NCEH1: variants seen among roughly 807,000 people sequenced by gnomAD.
NCEH1 encodes the protein neutral cholesterol ester hydrolase 1.
A neutral mutation model predicts 25.4 loss-of-function variants in NCEH1; 9 were observed. The ratio of observed to expected loss-of-function variants is 0.35; its 90% CI spans 0.21 to 0.62. The LOEUF (loss-of-function observed/expected upper bound fraction) is 0.62, where lower values mean the gene tolerates loss of function less well. Ranked by LOEUF, NCEH1 falls within the 20% of genes least tolerant of loss-of-function variation. The pLI, the probability that NCEH1 is intolerant of heterozygous loss-of-function variation, is 0.72. For missense variants in NCEH1, 412 were observed against 501.1 expected, an observed-to-expected ratio of 0.82 and a Z score of 1.70; for synonymous variants, 200 against 199.8, an observed-to-expected ratio of 1.00 and a Z score of -0.01.
chr3:172,682,993 A>T (rs1712471432), intron 1 of NCEH1, among the ~76,000 whole-genome samples: 1 of 152,248 alleles, frequency 6.6e-6, no homozygotes, highest in South Asian at 2.1e-4. Context: ...AGAAGTAGAA[A>T]GGATTTAAGT....
At chr3:172,653,731 TTC>T (rs1717524403) in intron 1 of NCEH1, among the ~76,000 whole-genome samples, 1 of 70,732 alleles carries the variant, frequency 1.4e-5, no homozygotes, top group Non-Finnish European at 2.8e-5. Flanking sequence ...GTTGTTGTTG[TTC>T]TGTTTTTTTT....
chr3:172,701,448 C>CGTTTTTTTTTTTTTTTTT (rs1184829037), intron 1 of NCEH1, among the ~76,000 whole-genome samples: 1 of 65,514 alleles, frequency 1.5e-5, no homozygotes, highest in African/African-American at 1.3e-4. Flanking sequence ...TGGTCTTTTG[C>CGTTTTTTTTTTTTTTTTT]CTTTTTTTTT....
At chr3:172,654,138 G>A (rs1013222000) in intron 1 of NCEH1, among the ~76,000 whole-genome samples, 1 of 152,142 alleles carries the variant, frequency 6.6e-6, no homozygotes, top group Non-Finnish European at 1.5e-5. Context: ...GCAATAACAG[G>A]CTCAATCTAA....
chr3:172,704,989 G>A (rs778363226), intron 1 of NCEH1, among the ~76,000 whole-genome samples: 1 of 152,202 alleles, frequency 6.6e-6, no homozygotes, highest in Non-Finnish European at 1.5e-5. Flanking sequence ...AGGTAACTGA[G>A]CACAAAGCAT....
chr3:172,696,331 G>A (rs1409316638), intron 1 of NCEH1, among the ~76,000 whole-genome samples: 1 of 152,080 alleles, frequency 6.6e-6, no homozygotes, highest in Non-Finnish European at 1.5e-5. Flanking sequence ...AAACCTGAGA[G>A]CAATAGCAGA....
intron 1 of NCEH1, among the ~76,000 whole-genome samples, chr3:172,666,708 C>A (rs1215510629): frequency 6.6e-6 from 1 of 152,178 alleles, no homozygotes; most frequent in Non-Finnish European, 1.5e-5. Context: ...ATCTCAATCT[C>A]AGATCTGTCC....
At chr3:172,667,993 T>C (rs1417340039) in intron 1 of NCEH1, among the ~76,000 whole-genome samples, 1 of 152,134 alleles carries the variant, frequency 6.6e-6, no homozygotes, top group Non-Finnish European at 1.5e-5. Flanking sequence ...CAAGTTCCCG[T>C]CTCATAACAA....
intron 1 of NCEH1, among the ~76,000 whole-genome samples, chr3:172,673,684 A>G (rs531287026): frequency 3.5e-4 from 53 of 152,356 alleles, no homozygotes; most frequent in African/African-American, 1.3e-3. Context: ...AGGTAGCAGA[A>G]GGAAACAGAT....
chr3:172,693,430 T>C (rs1328102021), intron 1 of NCEH1, among the ~76,000 whole-genome samples: 2 of 151,042 alleles, frequency 1.3e-5, no homozygotes, highest in Non-Finnish European at 2.9e-5. Flanking sequence ...TACCCATGAT[T>C]GCTTGCCAAT....
intron 3 of NCEH1, among the ~76,000 whole-genome samples, chr3:172,636,916 G>A (rs1044223893): frequency 6.6e-6 from 1 of 152,084 alleles, no homozygotes; most frequent in Admixed American, 6.6e-5. Context: ...CCCCTCTTTT[G>A]CTTATTAATT....
At chr3:172,667,997 A>G (rs939493113) in intron 1 of NCEH1, among the ~76,000 whole-genome samples, 41 of 152,320 alleles carry the variant, frequency 2.7e-4, no homozygotes, top group African/African-American at 9.4e-4. Context: ...TTCCCGTCTC[A>G]TAACAAAACC....
At chr3:172,687,100 T>G (rs936140882) in intron 1 of NCEH1, among the ~76,000 whole-genome samples, 1 of 152,158 alleles carries the variant, frequency 6.6e-6, no homozygotes, top group Non-Finnish European at 1.5e-5. Flanking sequence ...TGATGAGAGA[T>G]AGCCTGTACT....
At chr3:172,683,683 A>C (rs1560201401) in intron 1 of NCEH1, among the ~76,000 whole-genome samples, 1 of 152,204 alleles carries the variant, frequency 6.6e-6, no homozygotes, top group Non-Finnish European at 1.5e-5. Context: ...GTCTCAAAAA[A>C]CAAAATAAAG....
intron 1 of NCEH1, among the ~76,000 whole-genome samples, chr3:172,694,202 T>TA (rs1351934273): frequency 2.0e-5 from 3 of 152,192 alleles, no homozygotes; most frequent in African/African-American, 7.2e-5. Context: ...TATACAACTA[T>TA]AGAACTAATA....
chr3:172,667,050 C>T (rs1457564506), intron 1 of NCEH1, among the ~76,000 whole-genome samples: 1 of 152,172 alleles, frequency 6.6e-6, no homozygotes, highest in Admixed American at 6.6e-5. Context: ...GGACATATTG[C>T]TGGTCCTTTG....
chr3:172,673,297 C>T (rs1711751904), intron 1 of NCEH1, among the ~76,000 whole-genome samples: 1 of 152,170 alleles, frequency 6.6e-6, no homozygotes, highest in African/African-American at 2.4e-5. Context: ...TAACTGTTTA[C>T]ACCCCACATA....
intron 2 of NCEH1, among the ~76,000 whole-genome samples, chr3:172,647,161 C>G (rs1717156920): frequency 6.6e-6 from 1 of 152,050 alleles, no homozygotes; most frequent in African/African-American, 2.4e-5. Flanking sequence ...GTTGCCATTG[C>G]TTTTAAACTA....
chr3:172,698,114 T>C (rs934435482), intron 1 of NCEH1, among the ~76,000 whole-genome samples: 5 of 151,774 alleles, frequency 3.3e-5, no homozygotes, highest in African/African-American at 7.3e-5. Context: ...GTAGCTGGGA[T>C]TACAGGCACC....
intron 3 of NCEH1, among the ~76,000 whole-genome samples, chr3:172,640,116 CG>C (rs969699829): frequency 5.9e-5 from 9 of 152,160 alleles, no homozygotes; most frequent in Admixed American, 6.5e-5. Flanking sequence ...GTGGAAGGGA[CG>C]CCAAGTTCTC....
Sources: gnomAD v4.1 joint callset for allele counts (sites outside exome capture counted in the v4.1 genomes callset) on GRCh38, gnomAD v4.1.1 for gene constraint, MANE v1.5 for transcripts, NCBI Gene and HGNC (gene_info 2026-07-23, HGNC 2026-07-21) for gene names.